The following SLC4A11 variants were observed in gnomAD, a reference collection of about 807,000 sequenced individuals.
SLC4A11 encodes bicarbonate transporter related protein 1.
SLC4A11 carries 74 observed loss-of-function variants against 95.0 expected under a neutral mutation model. The ratio of observed to expected loss-of-function variants is 0.78; its 90% CI spans 0.65 to 0.95. The LOEUF (loss-of-function observed/expected upper bound fraction) is 0.95. SLC4A11 is among the 40% of genes least tolerant of loss of function. SLC4A11 has a pLI of 0.00. For missense variants in SLC4A11, 1,081 were observed against 1,192.4 expected, an observed-to-expected ratio of 0.91 and a Z score of 1.38; for synonymous variants, 548 against 519.0, an observed-to-expected ratio of 1.06 and a Z score of -0.76.
intron 1 of SLC4A11, chr20:3,238,253 C>T: frequency 7.5e-7 from 1 of 1,328,054 alleles, no homozygotes; most frequent in East Asian, 2.8e-5. Flanking sequence ...TGCGCCCTCC[C>T]TGGGCCGGTC....
intron 1 of SLC4A11, chr20:3,238,072 G>T: frequency 1.4e-6 from 2 of 1,474,592 alleles, no homozygotes; most frequent in Non-Finnish European, 9.0e-7. Context: ...CATTGCAGGC[G>T]CAGTTCCCCC....
At chr20:3,237,872 C>T in intron 1 of SLC4A11, 1 of 1,551,120 alleles carries the variant, frequency 6.4e-7, no homozygotes, top group Non-Finnish European at 8.7e-7. Context: ...GGATGTCTTC[C>T]CACCGAGTTA....
Position 3,228,455 on chromosome 20 carries a change from G to A in SLC4A11, c.2389-27C>T, listed in dbSNP as rs763004760. Reference sequence around the variant, plus strand: ...TGTGGGCGGCAGGGACCGGGTGTGGGCAGGCATGGGGCTGTGTCCCCACCC... The same window carrying A: ...TGTGGGCGGCAGGGACCGGGTGTGGACAGGCATGGGGCTGTGTCCCCACCC... On this transcript the variant is annotated intron_variant, in intron 18 of 19. Transcript: ENST00000642402. 6.8e-6 allele frequency: 11 copies of A among 1,612,936 alleles called. No homozygotes were observed. The East Asian group carries it at 1.6e-4, about 23-fold the overall frequency.
rs2067708832 is a variant in SLC4A11 at position 3,230,228 on chromosome 20, G to A, written c.1448C>T (p.Ser483Phe). The change falls in exon 13 of 20, where the codon TCC becomes TTC. Residue 483 changes from serine (S) to phenylalanine (F), a missense_variant. By Grantham distance (155) the Ser-to-Phe change is radical (BLOSUM62 -2). Transcript: ENST00000642402. ...STEEIIALFI[S>F]ITFVLDAVKG... ...GACGGCATCCAGCACAAACGTGATG[G>A]AAATGAAGAGGGCGATGATCTCCTC... 1 of 1,613,604 alleles carries A rather than the reference G, an allele frequency of 6.2e-7. No individual in the cohort carries two copies. The highest frequency in any genetic ancestry group is 8.5e-7 in the Non-Finnish European group (1 of 1,180,026).
upstream of SLC4A11, chr20:3,239,191 G>A (rs2122670967): frequency 7.2e-7 from 1 of 1,397,776 alleles, no homozygotes; most frequent in East Asian, 3.1e-5. Context: ...CGGCGCTTCT[G>A]GACCCCAAAC....
intron 6 of SLC4A11, 128 bp from the exon 7 acceptor site, chr20:3,233,765 C>T (rs758316702): frequency 4.8e-5 from 73 of 1,527,970 alleles, no homozygotes; most frequent in Admixed American, 8.5e-5. Flanking sequence ...GCAAATGGGA[C>T]GTTCCTTGGC....
In SLC4A11 at chr20:3,231,419, GTC is replaced by G. The variant is rs2067773843; in HGVS notation, c.857_858del (p.Arg286ThrfsTer61). The G allele has an allele frequency of 6.2e-6, 10 of 1,614,136 alleles. No homozygotes were observed. The highest frequency in any genetic ancestry group is 7.6e-6 in the Non-Finnish European group (9 of 1,180,034). ...CCGTGGCTCACCATGGTGAGCAGCT[GTC>G]TCTGATGCACCAAGGCCTCCTTGAA... The part of the protein sequence containing the change: ...EEFKEALVHQ[R>X]QLLTMVSHGP... On this transcript the variant is annotated frameshift_variant, in exon 8 of 20. Transcript: ENST00000642402. LOFTEE classifies it high-confidence loss of function. The surrounding 1 kb of genome is among the most constrained non-coding windows in gnomAD (Gnocchi z 5.2).
In SLC4A11 at chr20:3,228,331, G is replaced by A; in HGVS notation, c.2486C>T (p.Ala829Val). The change falls in exon 19 of 20, where the codon GCC becomes GTC. Residue 829 changes from alanine (A) to valine (V), a missense_variant. Ala to Val is a moderately conservative substitution (Grantham distance 64). Transcript: ENST00000642402. The stretch of plus-strand genomic sequence containing the variant: ...GTAGGGCAGGGAGCTCATGCCGAAG[G>A]CACACAGCAGCAGCAGCTGAAGCAC... The part of the protein sequence containing the change: ...LQVLQLLLLC[A>V]FGMSSLPYMK... 1 of 1,613,254 alleles carries A rather than the reference G, an allele frequency of 6.2e-7. No homozygotes were observed. Among genetic ancestry groups the A allele is most frequent in the Non-Finnish European group, 8.5e-7 (1 of 1,179,988 alleles).
chr20:3,238,000 G>A, intron 1 of SLC4A11: 1 of 1,547,278 alleles, frequency 6.5e-7, no homozygotes, highest in Non-Finnish European at 8.7e-7. Context: ...ATGCCAAGGC[G>A]GGGGATCTCT....
In SLC4A11 at chr20:3,228,972, G is replaced by A. The variant is rs141079217; in HGVS notation, c.2058C>T (p.Leu686=). 20 of 1,613,688 alleles carry A rather than the reference G, an allele frequency of 1.2e-5. No individual in the cohort carries two copies. Among genetic ancestry groups the A allele is most frequent in the Non-Finnish European group, 1.6e-5 (19 of 1,180,036 alleles). Residue 686 remains leucine, a synonymous_variant, in exon 17 of 20, where the codon CTC becomes CTT. Transcript: ENST00000642402. Reference sequence around the variant, plus strand: ...ACAGCCCTGTGTTGATGATGGCGAGGAGCAGGAGGTCCCAGTGGTAGGCAG... The same window carrying A: ...ACAGCCCTGTGTTGATGATGGCGAGAAGCAGGAGGTCCCAGTGGTAGGCAG... The part of the protein sequence containing the change: ...KGTAYHWDLL[L]LAIINTGLSL...
rs1266510535 is a variant in SLC4A11 at position 3,229,614 on chromosome 20, G to A, written c.1652C>T (p.Thr551Ile). The change falls in exon 14 of 20, where the codon ACA becomes ATA. Residue 551 changes from threonine to isoleucine, a missense_variant. Transcript: ENST00000642402. ...CACGGCGGTCGCCTGGCCTGAGTGT[G>A]TGGCCGAGGGCAGCTCCGTGGGGCT... ...LASPTELPSA[T>I]HSGQATAVLS... 6.2e-7 allele frequency: 1 copy of A among 1,613,026 alleles called. No individual in the cohort carries two copies. The highest frequency in any genetic ancestry group is 8.5e-7 in the Non-Finnish European group (1 of 1,179,938).
chr20:3,237,748 G>C (rs529501659), intron 1 of SLC4A11, 160 bp from the exon 2 acceptor site: 3 of 1,613,422 alleles, frequency 1.9e-6, no homozygotes, highest in Non-Finnish European at 2.5e-6. Flanking sequence ...GACAGTGCTC[G>C]GGAGGGGGCC....
intron 2 of SLC4A11, among the ~76,000 whole-genome samples, chr20:3,236,581 TCAAAACAAAACAAAACAAAA>T (rs59236399): frequency 0.19 from 29,091 of 150,296 alleles, 2,992 homozygotes; most frequent in Non-Finnish European, 0.21. Context: ...AGAGCGAGAC[TCAAAACAAAACAAAACAAAA>T]CAAAACAAAA....
At position 3,234,633 on chromosome 20, in the gene SLC4A11, G is replaced by C. The variant is rs760754227; in HGVS notation, c.242-16C>G. The C allele has an allele frequency of 4.3e-6, 7 of 1,613,872 alleles. No individual in the cohort carries two copies. In the South Asian group the frequency reaches 7.7e-5, roughly 18 times the overall value. ...GCTTCATTCTCTGCCGGAGAAAAGC[G>C]GGGAGGGCTCAGGGTGCCACCCTCT... On this transcript the variant is annotated splice_polypyrimidine_tract_variant and intron_variant, in intron 3 of 19. Transcript: ENST00000642402. This position sits in a 1 kb window ranked among gnomAD's most constrained non-coding sequence, Gnocchi z 5.8.
At position 3,230,233 on chromosome 20, in the gene SLC4A11, G is replaced by A; in HGVS notation, c.1443C>T (p.Phe481=). 2 of 1,613,624 alleles carry A rather than the reference G, an allele frequency of 1.2e-6. No homozygotes were observed. The highest frequency in any genetic ancestry group is 1.1e-5 in the South Asian group (1 of 91,090). ...KRSTEEIIAL[F]ISITFVLDAV... ...CATCCAGCACAAACGTGATGGAAAT[G>A]AAGAGGGCGATGATCTCCTCCGTCG... is the stretch of plus-strand genomic sequence containing the variant. The change falls in exon 13 of 20, where the codon TTC becomes TTT. Residue 481 remains phenylalanine, a synonymous_variant. Coordinates refer to ENST00000642402, the MANE Select transcript of SLC4A11 (RefSeq NM_001174089.2).
Position 3,231,656 on chromosome 20 carries a change from T to C in SLC4A11, c.730-108A>G. On this transcript the variant is annotated intron_variant, in intron 7 of 19. Transcript: ENST00000642402. The surrounding 1 kb of genome is among the most constrained non-coding windows in gnomAD (Gnocchi z 5.2). ...ACTGGCAGCAGGTTTTTTGTCTGTTTGTTTTTTGTGTTTTTTTGAGACAGG... is the reference window on the plus strand; with the variant it reads ...ACTGGCAGCAGGTTTTTTGTCTGTTCGTTTTTTGTGTTTTTTTGAGACAGG... The C allele has an allele frequency of 1.0e-6, 1 of 1,003,612 alleles. No homozygotes were observed. The highest frequency in any genetic ancestry group is 1.4e-5 in the South Asian group (1 of 72,314). 62.2% of individuals were successfully genotyped at this position (1,003,612 alleles called of 1,614,324 possible). A position where few individuals can be genotyped will look rare whatever the true frequency, so the allele number is the denominator to read the frequency against.
At position 3,228,601 on chromosome 20, in the gene SLC4A11, C is replaced by A; in HGVS notation, c.2299G>T (p.Val767Leu). The change falls in exon 18 of 20, where the codon GTG (valine) becomes TTG (leucine). Residue 767 changes from valine to leucine, a missense_variant. Val to Leu is a conservative substitution (Grantham distance 32). This residue lies in a region of SLC4A11 where 767 missense variants were observed against 858.0 expected (regional missense o/e 0.89). Coordinates refer to ENST00000642402, the MANE Select transcript of SLC4A11 (RefSeq NM_001174089.2). Reference protein sequence around the residue: ...PVPLQWIPKPVLYGLFLYIAL... With the variant: ...PVPLQWIPKPLLYGLFLYIAL... ...ATGTAGAGGAAGAGGCCATAGAGCA[C>A]GGGCTTGGGGATCCACTGAAGCGGG... 6.2e-7 allele frequency: 1 copy of A among 1,613,310 alleles called. No individual in the cohort carries two copies. Among genetic ancestry groups the A allele is most frequent in the Non-Finnish European group, 8.5e-7 (1 of 1,179,950 alleles).
In SLC4A11 at chr20:3,234,970, A is replaced by G. The variant is rs1266916867; in HGVS notation, c.89-76T>C. 1.3e-6 allele frequency: 2 copies of G among 1,573,478 alleles called. No individual in the cohort carries two copies. Among genetic ancestry groups the G allele is most frequent in the East Asian group, 2.2e-5 (1 of 44,668 alleles). On this transcript the variant is annotated intron_variant, in intron 2 of 19. Transcript: ENST00000642402. This position sits in a 1 kb window ranked among gnomAD's most constrained non-coding sequence, Gnocchi z 5.8. ...GGAAGGAGGGGCTCCAAGCCCAGGG[A>G]GCAGGGACCCCTGGACTGTCCCACT...
rs764217666 is a variant in SLC4A11 at position 3,228,837 on chromosome 20, C to CGTGTCATA, written c.2185_2192dup (p.Ile732MetfsTer5). On this transcript the variant is annotated frameshift_variant and splice_region_variant. Coordinates refer to ENST00000642402, the MANE Select transcript of SLC4A11 (RefSeq NM_001174089.2). LOFTEE classifies it high-confidence loss of function. Reference sequence around the variant, plus strand: ...ACGGCTCTTGCCAGCCTCACACTCACGTGTCATAGATGTGTCCGTTCTCCA... The same window carrying CGTGTCATA: ...ACGGCTCTTGCCAGCCTCACACTCACGTGTCATAGTGTCATAGATGTGTCCGTTCTCCA... 5 of 1,613,664 alleles carry CGTGTCATA rather than the reference C, an allele frequency of 3.1e-6. No homozygotes were observed. The Admixed American group carries it at 5.0e-5, about 16-fold the overall frequency.
Sources: allele counts gnomAD v4.1 joint callset (sites outside exome capture counted in the v4.1 genomes callset), GRCh38; gene constraint gnomAD v4.1.1; regional missense constraint gnomAD v4.1.1; non-coding constraint Gnocchi (gnomAD v3.1); transcripts MANE v1.5; gene names NCBI Gene and HGNC (gene_info 2026-07-23, HGNC 2026-07-21).